Variants in AGBL4 observed in about 807,000 individuals in gnomAD.
AGBL4 encodes cytosolic carboxypeptidase 6.
AGBL4 carries 58 observed loss-of-function variants against 66.4 expected under a neutral mutation model. The ratio of observed to expected loss-of-function variants is 0.87; its 90% CI spans 0.71 to 1.09. The LOEUF (loss-of-function observed/expected upper bound fraction) is 1.09. AGBL4 is among the 50% of genes least tolerant of loss of function. The pLI is 0.00. For synonymous variants in AGBL4, 234 were observed against 222.9 expected, an observed-to-expected ratio of 1.05 and a Z score of -0.44; for missense variants, 579 against 631.0, an observed-to-expected ratio of 0.92 and a Z score of 0.88.
chr1:49,249,812 A>G (rs1424833558), intron 3 of AGBL4, among the ~76,000 whole-genome samples: 1 of 152,242 alleles, frequency 6.6e-6, no homozygotes, highest in Non-Finnish European at 1.5e-5. Flanking sequence ...AGGATATGGA[A>G]TCAACCTAAG....
intron 3 of AGBL4, among the ~76,000 whole-genome samples, chr1:49,695,953 T>A (rs1170912234): frequency 6.6e-6 from 1 of 152,088 alleles, no homozygotes; most frequent in Non-Finnish European, 1.5e-5. Context: ...CACTGGCCAC[T>A]GTCTGACACA....
Position 48,950,880 on chromosome 1 carries a change from C to A in AGBL4, c.595-83650G>T, listed in dbSNP as rs963848235. ...TCTTATTTAAACCTACTTCTACTAT[C>A]CCCATCCCCATTATTTTCAGTTCCT... On this transcript the variant is annotated intron_variant, in intron 5 of 13. Transcript: ENST00000371839. 4.6e-5 allele frequency among the ~76,000 whole-genome samples: 7 copies of A among 152,284 alleles called. No homozygotes were observed. In the East Asian group the frequency reaches 1.4e-3, roughly 29 times the overall value.
At chr1:48,798,995 G>A (rs914440574) in intron 6 of AGBL4, among the ~76,000 whole-genome samples, 16 of 152,042 alleles carry the variant, frequency 1.1e-4, no homozygotes, top group African/African-American at 3.4e-4. Context: ...CTTTGACTAC[G>A]CAGGCTCTTT....
intron 1 of AGBL4, among the ~76,000 whole-genome samples, chr1:49,986,436 C>A (rs1044266997): frequency 5.3e-5 from 8 of 152,020 alleles, no homozygotes; most frequent in Admixed American, 3.3e-4. Flanking sequence ...TGGGTTACTC[C>A]GACTTCCACC....
At chr1:49,372,629 TTCTTTCTTTCTTTC>T (rs1644378529) in intron 3 of AGBL4, among the ~76,000 whole-genome samples, 1 of 127,398 alleles carries the variant, frequency 7.8e-6, no homozygotes, top group Non-Finnish European at 1.6e-5. Context: ...CTTTCTTTCT[TTCTTTCTTTCTTTC>T]TTTCTTTCTT....
intron 6 of AGBL4, among the ~76,000 whole-genome samples, chr1:48,744,179 A>G (rs543673663): frequency 1.3e-5 from 2 of 152,330 alleles, no homozygotes; most frequent in South Asian, 4.1e-4. Context: ...TTAGAGGTGC[A>G]AGACCTATTC....
intron 2 of AGBL4, among the ~76,000 whole-genome samples, chr1:49,798,255 G>A (rs1318893316): frequency 2.0e-5 from 3 of 152,130 alleles, no homozygotes; most frequent in Non-Finnish European, 2.9e-5. Flanking sequence ...TAAAATTAAA[G>A]ATAACAAATC....
chr1:48,980,685 T>G (rs1659676475), intron 5 of AGBL4, among the ~76,000 whole-genome samples: 1 of 132,664 alleles, frequency 7.5e-6, no homozygotes, highest in African/African-American at 2.9e-5. Context: ...GAATAGGTGG[T>G]GATTGGAATT....
chr1:49,148,963 G>A (rs889926588), intron 4 of AGBL4, among the ~76,000 whole-genome samples: 4 of 152,144 alleles, frequency 2.6e-5, no homozygotes, highest in Non-Finnish European at 5.9e-5. Flanking sequence ...TACTGAATTT[G>A]GGTGACTCTC....
rs12026275 is a variant in AGBL4, at chr1:49,641,912, T to A, written c.282+55401A>T. On this transcript the variant is annotated intron_variant, in intron 3 of 13. Coordinates refer to ENST00000371839, the MANE Select transcript of AGBL4 (RefSeq NM_032785.4). ...AGAAGTAACTTCTAAGCCACATTGC[T>A]ATTGTGATGGCATGTTGAACCCAAA... Among the ~76,000 whole-genome samples, 1,224 of 152,148 alleles carry A rather than the reference T, an allele frequency of 8.0e-3. 9 individuals carry two copies. Among genetic ancestry groups the A allele is most frequent in the Middle Eastern group, 0.031 (9 of 294 alleles).
intron 9 of AGBL4, among the ~76,000 whole-genome samples, chr1:48,625,299 G>A (rs115342503): frequency 0.016 from 2,406 of 152,052 alleles, 30 homozygotes; most frequent in Middle Eastern, 0.024. Context: ...TCAAAATGCT[G>A]GAATTATAGT....
chr1:49,150,387 T>C (rs1215171368), intron 4 of AGBL4, among the ~76,000 whole-genome samples: 2 of 152,132 alleles, frequency 1.3e-5, no homozygotes, highest in East Asian at 1.9e-4. Context: ...ATATTACAAG[T>C]GAGCGGCAGA....
chr1:49,622,756 C>T (rs534863872), intron 3 of AGBL4, among the ~76,000 whole-genome samples: 1 of 150,336 alleles, frequency 6.7e-6, no homozygotes, highest in Admixed American at 6.6e-5. Context: ...ACATATAAAA[C>T]GCTCAGAAAA....
At chr1:48,914,850 T>A (rs985467525) in intron 5 of AGBL4, among the ~76,000 whole-genome samples, 3 of 152,144 alleles carry the variant, frequency 2.0e-5, no homozygotes, top group Admixed American at 6.5e-5. Context: ...GAGTTCAGGG[T>A]TTCTCAGAAA....
intron 3 of AGBL4, among the ~76,000 whole-genome samples, chr1:49,550,459 T>G (rs1004350751): frequency 6.6e-6 from 1 of 152,246 alleles, no homozygotes; most frequent in African/African-American, 2.4e-5. Flanking sequence ...TATCAAGATT[T>G]AGCGCTCCTT....
intron 4 of AGBL4, among the ~76,000 whole-genome samples, chr1:49,241,657 GGT>G (rs1651248527): frequency 6.6e-6 from 1 of 151,850 alleles, no homozygotes; most frequent in African/African-American, 2.4e-5. Context: ...CATAGTTCCT[GGT>G]TCATTTTAAC....
chr1:48,644,422 G>A (rs1476155128), intron 8 of AGBL4, among the ~76,000 whole-genome samples: 1 of 152,176 alleles, frequency 6.6e-6, no homozygotes, highest in African/African-American at 2.4e-5. Context: ...CACCAGCACA[G>A]TTATCTCTTC....
Position 49,236,369 on chromosome 1 carries a change from A to G in AGBL4, c.377+9401T>C, listed in dbSNP as rs146818836. ...TAGAGTTCTTCATTTTGTAACATCT[A>G]TGGCTATAAAGGGCTCCTCTCCATG... On this transcript the variant is annotated intron_variant, in intron 4 of 13. Transcript: ENST00000371839. Among the ~76,000 whole-genome samples the G allele has an allele frequency of 7.0e-4, 107 of 152,194 alleles. 1 individual carries two copies. Among genetic ancestry groups the G allele is most frequent in the African/African-American group, 2.3e-3 (94 of 41,520 alleles).
At chr1:49,120,649 A>AT (rs1420364435) in intron 4 of AGBL4, among the ~76,000 whole-genome samples, 1 of 151,984 alleles carries the variant, frequency 6.6e-6, no homozygotes. Flanking sequence ...GTGCCTTAAC[A>AT]TTTCAACCTT....
Sources: allele counts gnomAD v4.1 joint callset (sites outside exome capture counted in the v4.1 genomes callset), GRCh38; gene constraint gnomAD v4.1.1; transcripts MANE v1.5; gene names NCBI Gene and HGNC (gene_info 2026-07-23, HGNC 2026-07-21).